Variants in ADGRF1 observed in about 807,000 individuals in gnomAD.
ADGRF1 encodes the protein G protein-coupled receptor 110.
ADGRF1 carries 85 observed loss-of-function variants against 87.2 expected under a neutral mutation model. That is an observed-to-expected ratio of 0.97 (90% confidence interval 0.82 to 1.17). The LOEUF (loss-of-function observed/expected upper bound fraction) is 1.17, where lower values mean the gene tolerates loss of function less well. ADGRF1 is among the 50% of genes most tolerant of loss of function. ADGRF1 has a pLI of 0.00. For missense variants in ADGRF1, 1,169 were observed against 1,077.2 expected (o/e 1.09, Z -1.19); for synonymous variants, 430 against 408.8 (o/e 1.05, Z -0.63).
At chr6:47,008,924 G>T in intron 11 of ADGRF1, 21 bp downstream of exon 11, 1 of 1,554,064 alleles carries the variant, frequency 6.4e-7, no homozygotes, top group Non-Finnish European at 8.7e-7. Context: ...CAATACAATA[G>T]GTTATTGTTA....
At chr6:47,031,240 C>T (rs966811944) in intron 1 of ADGRF1, among the ~76,000 whole-genome samples, 3 of 152,054 alleles carry the variant, frequency 2.0e-5, no homozygotes, top group Non-Finnish European at 2.9e-5. Context: ...CTGCATACTG[C>T]TCTCTGCTCA....
intron 9 of ADGRF1, chr6:47,013,823 A>G (rs929915176): frequency 5.4e-6 from 1 of 185,566 alleles, no homozygotes; most frequent in Non-Finnish European, 1.0e-5. Flanking sequence ...TTCTCACAAG[A>G]TCTGGTTGTT....
In ADGRF1 at chr6:47,009,515, C is replaced by G; in HGVS notation, c.1920G>C (p.Trp640Cys). ...TGTCCACTGTGGCACCAACAATAAACCAGACATCAGCAATCAAGAGGGACA... is the reference window on the plus strand; with the variant it reads ...TGTCCACTGTGGCACCAACAATAAAGCAGACATCAGCAATCAAGAGGGACA... ...IALSLLIADVWFIVGATVDTT... is the reference protein window; with the variant it reads ...IALSLLIADVCFIVGATVDTT... The change falls in exon 11 of 15, where the codon TGG becomes TGC. Residue 640 changes from tryptophan (W) to cysteine (C), a missense_variant. Coordinates refer to ENST00000371253, the MANE Select transcript of ADGRF1 (RefSeq NM_153840.4). 1 of 1,614,060 alleles carries G rather than the reference C, an allele frequency of 6.2e-7. No individual in the cohort carries two copies. Among genetic ancestry groups the G allele is most frequent in the Non-Finnish European group, 8.5e-7 (1 of 1,179,992 alleles).
intron 3 of ADGRF1, 65 bp from the exon 4 acceptor site, chr6:47,026,068 T>C: frequency 7.2e-7 from 1 of 1,391,522 alleles, no homozygotes; most frequent in Non-Finnish European, 9.7e-7. Context: ...GCTGAGGAAG[T>C]GACTGAGAAA....
chr6:47,012,588 A>G lies in ADGRF1; in HGVS notation c.928-393T>C, dbSNP rs1779740553. On this transcript the variant is annotated intron_variant, in intron 9 of 14. Coordinates refer to ENST00000371253, the MANE Select transcript of ADGRF1 (RefSeq NM_153840.4). Reference sequence around the variant, plus strand: ...TTAATTATACAGAAACTCATGTTCAATGAGATTTAATGACCTTCCAAAGAG... The same window carrying G: ...TTAATTATACAGAAACTCATGTTCAGTGAGATTTAATGACCTTCCAAAGAG... 17 of 846,246 alleles carry G rather than the reference A, an allele frequency of 2.0e-5. No individual in the cohort carries two copies. The South Asian group carries it at 7.1e-4, about 35-fold the overall frequency. The allele number at this position is 846,246 out of a possible 1,614,324, so 52.4% of individuals were successfully genotyped here.
At position 47,007,034 on chromosome 6, in the gene ADGRF1, TTTACA is replaced by T. The variant is rs199521549; in HGVS notation, c.2532+214_2532+218del. Among the ~76,000 whole-genome samples, 1,072 of 152,310 alleles carry T rather than the reference TTTACA, an allele frequency of 7.0e-3. 16 individuals are homozygous for T. Among genetic ancestry groups the T allele is most frequent in the African/African-American group, 0.024 (991 of 41,560 alleles). On this transcript the variant is annotated intron_variant, in intron 12 of 14. Transcript: ENST00000371253. ...AGAATTCCCCTTTTTTCCGACAACG[TTTACA>T]TTACATGTTTGATTAGTTCTGCAAG...
At chr6:47,000,432 T>G in intron 14 of ADGRF1, 137 bp from the exon 15 acceptor site, 3 of 585,492 alleles carry the variant, frequency 5.1e-6, no homozygotes, top group Non-Finnish European at 8.9e-6. Flanking sequence ...ACAAAAAGAC[T>G]GTGGTTGGTG....
rs1779320040 is a variant in ADGRF1, at chr6:47,000,156, A to T, written c.*66T>A. The T allele has an allele frequency of 8.3e-7, 1 of 1,206,406 alleles. No individual in the cohort carries two copies. The highest frequency in any genetic ancestry group is 1.5e-5 in the African/African-American group (1 of 66,994). 74.7% of individuals were successfully genotyped at this position (1,206,406 alleles called of 1,614,324 possible). ...ATCGAATACTGAGCATAATTTCTTC[A>T]TTGACATTTGTCTCTAAATGTCAAG... is the stretch of plus-strand genomic sequence containing the variant. On this transcript the variant is annotated 3_prime_UTR_variant, in exon 15 of 15. Transcript: ENST00000371253.
Position 47,010,308 on chromosome 6 carries a change from C to A in ADGRF1, c.1127G>T (p.Ser376Ile). The change falls in exon 11 of 15, where the codon AGT becomes ATT. Residue 376 changes from serine to isoleucine, a missense_variant. By Grantham distance (142) the Ser-to-Ile change is moderately radical (BLOSUM62 -2). Transcript: ENST00000371253. ...VSNSTMEDVISIADNILNSAS... is the reference protein window; with the variant it reads ...VSNSTMEDVIIIADNILNSAS... ...TGAATTAAGGATATTGTCAGCTATA[C>A]TGATGACATCCTGAAACACAAGGAT... 6.3e-7 allele frequency: 1 copy of A among 1,598,816 alleles called. No homozygotes were observed. The highest frequency in any genetic ancestry group is 8.5e-7 in the Non-Finnish European group (1 of 1,172,112).
intron 7 of ADGRF1, chr6:47,019,722 T>C: frequency 4.2e-6 from 4 of 963,692 alleles, no homozygotes; most frequent in Non-Finnish European, 4.9e-6. Context: ...AAAGAGAAAA[T>C]GTCCTATGGG....
intron 7 of ADGRF1, chr6:47,020,263 C>A (rs765017039): frequency 2.2e-5 from 27 of 1,237,848 alleles, no homozygotes; most frequent in Non-Finnish European, 2.8e-5. Flanking sequence ...GGGGCCGAGG[C>A]AGGCGGATCA....
intron 9 of ADGRF1, chr6:47,013,647 T>C (rs1695195280): frequency 2.0e-6 from 2 of 985,314 alleles, no homozygotes; most frequent in Non-Finnish European, 2.4e-6. Context: ...GAGCATCATG[T>C]GGAGGGCATA....
chr6:47,000,505 G>T (rs761973332), intron 14 of ADGRF1, among the ~76,000 whole-genome samples: 56 of 152,140 alleles, frequency 3.7e-4, no homozygotes, highest in Non-Finnish European at 5.6e-4. Flanking sequence ...ACTTATTTGA[G>T]AAATATCATG....
rs187315133 is a variant in ADGRF1 at position 47,015,564 on chromosome 6, C to T, written c.764-720G>A. 7.1e-5 allele frequency among the ~76,000 whole-genome samples: 10 copies of T among 140,770 alleles called. No individual in the cohort carries two copies. In the East Asian group the frequency reaches 1.5e-3, roughly 21 times the overall value. The allele number at this position is 140,770 out of a possible 152,430, so 92.4% of individuals were successfully genotyped here. Reference sequence around the variant, plus strand: ...TACCTGGGAGTACAGGTGCACACCACGATGCCTGGCTATTTATTTATTTAT... The same window carrying T: ...TACCTGGGAGTACAGGTGCACACCATGATGCCTGGCTATTTATTTATTTAT... On this transcript the variant is annotated intron_variant, in intron 8 of 14. Transcript: ENST00000371253.
intron 7 of ADGRF1, 55 bp downstream of exon 7, chr6:47,020,676 G>C: frequency 6.3e-7 from 1 of 1,592,544 alleles, no homozygotes; most frequent in Non-Finnish European, 8.6e-7. Flanking sequence ...TCTGCCTTTT[G>C]CAGAACTGGT....
At chr6:47,001,876 A>T (rs1460173711) in intron 13 of ADGRF1, 1 of 213,958 alleles carries the variant, frequency 4.7e-6, no homozygotes, top group Non-Finnish European at 9.3e-6. Context: ...ATTTCTTTGG[A>T]TCACATTTGT....
chr6:47,019,897 A>G (rs45515397), intron 7 of ADGRF1: 38,919 of 985,080 alleles, frequency 0.04, 864 homozygotes, highest in Middle Eastern at 0.097. Context: ...AATTTACTAA[A>G]TATTTCTTTA....
Position 47,027,752 on chromosome 6 carries a change from C to T in ADGRF1, c.79G>A (p.Gly27Ser), listed in dbSNP as rs531673508. 1.9e-6 allele frequency: 3 copies of T among 1,571,860 alleles called. No individual in the cohort carries two copies. In the South Asian group the frequency reaches 3.3e-5, roughly 18 times the overall value. The change falls in exon 3 of 15, where the codon GGC (glycine) becomes AGC (serine). Residue 27 changes from glycine (G) to serine (S), a missense_variant. By Grantham distance (56) the Gly-to-Ser change is moderately conservative. Coordinates refer to ENST00000371253, the MANE Select transcript of ADGRF1 (RefSeq NM_153840.4). The stretch of plus-strand genomic sequence containing the variant: ...ATGAGTTCTTTTTTTGTTTTGATGC[C>T]ATCATTTTTCTGTTAAAAAGAAAAA... ...GHGGFLGKNDGIKTKKELIVN... is the reference protein window; with the variant it reads ...GHGGFLGKNDSIKTKKELIVN...
At chr6:47,027,891 C>T (rs1312021840) in intron 2 of ADGRF1, 130 bp from the exon 3 acceptor site, 1 of 672,116 alleles carries the variant, frequency 1.5e-6, no homozygotes, top group African/African-American at 1.8e-5. Context: ...GAGAGGCGGC[C>T]AGGGAAGGCC....
Sources: gnomAD v4.1 joint callset for allele counts (sites outside exome capture counted in the v4.1 genomes callset) on GRCh38, gnomAD v4.1.1 for gene constraint, MANE v1.5 for transcripts, NCBI Gene and HGNC (gene_info 2026-07-23, HGNC 2026-07-21) for gene names.